Variants in SNX29 observed in about 807,000 individuals in gnomAD.
The protein encoded by SNX29 is sorting nexin 29.
SNX29 carries 78 observed loss-of-function variants against 102.1 expected under a neutral mutation model. That is an observed-to-expected ratio of 0.76 (90% CI 0.64 to 0.92). The LOEUF (loss-of-function observed/expected upper bound fraction) is 0.92. Among genes scored for constraint, SNX29 ranks in the 40% least tolerant of loss-of-function variants. The probability of loss-of-function intolerance (pLI) is 0.00; values close to 1 mark genes in which losing one functional copy is unlikely to be tolerated. For missense variants in SNX29, 1,280 were observed against 1,061.7 expected (o/e 1.21, Z -2.86); for synonymous variants, 580 against 414.5 (o/e 1.40, Z -4.85).
chr16:12,543,102 A>G (rs1310000223), intron 20 of SNX29, among the ~76,000 whole-genome samples: 7 of 152,174 alleles, frequency 4.6e-5, no homozygotes, highest in African/African-American at 1.7e-4. Context: ...GGAAAGATGG[A>G]TCCTGGCAGC....
At chr16:12,162,823 C>T (rs952836985) in intron 13 of SNX29, among the ~76,000 whole-genome samples, 1 of 152,158 alleles carries the variant, frequency 6.6e-6, no homozygotes, top group African/African-American at 2.4e-5. Flanking sequence ...TGGTGCTGGG[C>T]AGCGGCAACA....
chr16:12,183,250 C>T (rs1183089449), intron 13 of SNX29, among the ~76,000 whole-genome samples: 2 of 152,194 alleles, frequency 1.3e-5, no homozygotes, highest in Non-Finnish European at 2.9e-5. Flanking sequence ...ATCCTCCCGC[C>T]TTAGCCTCCC....
chr16:12,436,478 A>G (rs954196631), intron 18 of SNX29, among the ~76,000 whole-genome samples: 1 of 152,296 alleles, frequency 6.6e-6, no homozygotes, highest in Middle Eastern at 3.4e-3. Context: ...GCCAGATGCC[A>G]TTTCAGGAAA....
chr16:12,014,876 A>C (rs2056796145), intron 3 of SNX29, among the ~76,000 whole-genome samples: 1 of 152,114 alleles, frequency 6.6e-6, no homozygotes, highest in Admixed American at 6.6e-5. Context: ...GCTATTCTCA[A>C]ACCTTCACAC....
chr16:12,006,858 A>G (rs545284126), intron 3 of SNX29, among the ~76,000 whole-genome samples: 1 of 152,270 alleles, frequency 6.6e-6, no homozygotes, highest in Admixed American at 6.5e-5. Context: ...GACTCAAGTG[A>G]TCCTCCCACC....
chr16:12,570,145 ACT>A lies in SNX29; in HGVS notation c.*1518_*1519del, dbSNP rs2079156079. ...ATGGCCTTTAAGGAAGGCTGAGATC[ACT>A]CACACACAGCGCCCCCCCACCCCAG... On this transcript the variant is annotated 3_prime_UTR_variant, in exon 21 of 21. Transcript: ENST00000566228. The A allele has an allele frequency of 2.8e-6, 3 of 1,061,678 alleles. No homozygotes were observed. Among genetic ancestry groups the A allele is most frequent in the African/African-American group, 1.6e-5 (1 of 60,930 alleles). 65.8% of individuals were successfully genotyped at this position (1,061,678 alleles called of 1,614,324 possible).
intron 17 of SNX29, among the ~76,000 whole-genome samples, chr16:12,399,291 A>G (rs1168045113): frequency 6.6e-6 from 1 of 152,136 alleles, no homozygotes; most frequent in Non-Finnish European, 1.5e-5. Context: ...ACCTCAGGTG[A>G]TCCACCCACC....
intron 8 of SNX29, among the ~76,000 whole-genome samples, chr16:12,059,660 C>G (rs1169795323): frequency 6.6e-6 from 1 of 152,164 alleles, no homozygotes; most frequent in Non-Finnish European, 1.5e-5. Context: ...CAAACCCGCC[C>G]CCAAGCAGTG....
chr16:12,568,402 G>T, intron 20 of SNX29, 104 bp from the exon 21 acceptor site: 1 of 1,471,108 alleles, frequency 6.8e-7, no homozygotes, highest in Non-Finnish European at 9.2e-7. Flanking sequence ...AGTCACAGTT[G>T]CCAATCAGAT....
At chr16:12,454,671 AGT>A (rs2086457691) in intron 18 of SNX29, among the ~76,000 whole-genome samples, 1 of 152,178 alleles carries the variant, frequency 6.6e-6, no homozygotes. Flanking sequence ...CTTGAGCTTG[AGT>A]GCAGTGGCGC....
At chr16:12,543,416 G>T (rs972150576) in intron 20 of SNX29, among the ~76,000 whole-genome samples, 2 of 152,206 alleles carry the variant, frequency 1.3e-5, no homozygotes, top group African/African-American at 4.8e-5. Flanking sequence ...TTCACTGAAA[G>T]GAGAGAAAGT....
intron 18 of SNX29, among the ~76,000 whole-genome samples, chr16:12,404,057 G>T (rs1240300187): frequency 2.0e-5 from 3 of 152,130 alleles, no homozygotes; most frequent in African/African-American, 7.2e-5. Flanking sequence ...CTCTGTGACT[G>T]GCCTGATTCA....
In SNX29 at chr16:12,544,056, A is replaced by G. The variant is rs183233238; in HGVS notation, c.2318+19215A>G. ...ACTCATCACATTGCAAAGCCACAGGAATCACATTGGTAGGGGTAGAGGTCT... is the reference window on the plus strand; with the variant it reads ...ACTCATCACATTGCAAAGCCACAGGGATCACATTGGTAGGGGTAGAGGTCT... On this transcript the variant is annotated intron_variant, in intron 20 of 20. Coordinates refer to ENST00000566228, the MANE Select transcript of SNX29 (RefSeq NM_032167.5). 1.1e-3 allele frequency among the ~76,000 whole-genome samples: 170 copies of G among 152,312 alleles called. 1 individual carries two copies. The highest frequency in any genetic ancestry group is 4.1e-3 in the Admixed American group (62 of 15,300).
At chr16:12,566,317 C>G (rs1220579727) in intron 20 of SNX29, among the ~76,000 whole-genome samples, 1 of 152,204 alleles carries the variant, frequency 6.6e-6, no homozygotes, top group Non-Finnish European at 1.5e-5. Flanking sequence ...GCTATGTCCT[C>G]TCCCTACCCC....
At chr16:12,562,218 T>C (rs977233788) in intron 20 of SNX29, among the ~76,000 whole-genome samples, 5 of 151,806 alleles carry the variant, frequency 3.3e-5, no homozygotes, top group African/African-American at 9.7e-5. Flanking sequence ...CTGCTGGAGG[T>C]GGCCAAGTTC....
chr16:12,472,668 A>G (rs939959705), intron 18 of SNX29, among the ~76,000 whole-genome samples: 1 of 152,102 alleles, frequency 6.6e-6, no homozygotes, highest in South Asian at 2.1e-4. Flanking sequence ...GACGCTCTTC[A>G]TCTTCTAAAA....
At chr16:12,102,115 C>CAT (rs1013726115) in intron 11 of SNX29, among the ~76,000 whole-genome samples, 6 of 152,230 alleles carry the variant, frequency 3.9e-5, no homozygotes. Context: ...TTTATGGCTG[C>CAT]ATAGTATTCC....
chr16:12,532,290 T>G (rs573192895), intron 20 of SNX29, among the ~76,000 whole-genome samples: 22 of 152,346 alleles, frequency 1.4e-4, no homozygotes, highest in South Asian at 1.0e-3. Flanking sequence ...AGTCCTTAAA[T>G]TGGCATTCTG....
At position 12,519,268 on chromosome 16, in the gene SNX29, C is replaced by T. The variant is rs182946125; in HGVS notation, c.2179-5434C>T. On this transcript the variant is annotated intron_variant, in intron 19 of 20. Transcript: ENST00000566228. ...GAACAGCTTGTGGTGAAAATGGTGGCACCATGTCCCCCAAAAGGTCAGAAC... is the reference window on the plus strand; with the variant it reads ...GAACAGCTTGTGGTGAAAATGGTGGTACCATGTCCCCCAAAAGGTCAGAAC... Among the ~76,000 whole-genome samples, 68 of 152,306 alleles carry T rather than the reference C, an allele frequency of 4.5e-4. 1 individual carries two copies. The highest frequency in any genetic ancestry group is 6.8e-3 in the Middle Eastern group (2 of 294).
Sources: allele counts gnomAD v4.1 joint callset (sites outside exome capture counted in the v4.1 genomes callset), GRCh38; gene constraint gnomAD v4.1.1; transcripts MANE v1.5; gene names NCBI Gene and HGNC (gene_info 2026-07-23, HGNC 2026-07-21).